The following FOXP2 variants were observed in gnomAD, a reference collection of about 807,000 sequenced individuals.
FOXP2 encodes forkhead box P2, also known as forkhead box protein P2.
FOXP2 carries 12 observed loss-of-function variants against 115.8 expected under a neutral mutation model. The ratio of observed to expected loss-of-function variants is 0.10; its 90% CI spans 0.07 to 0.17. The LOEUF is 0.17. FOXP2 is among the 10% of genes least tolerant of loss of function. The pLI is 1.00. For missense variants in FOXP2, 629 were observed against 843.5 expected (o/e 0.75, Z 3.15); for synonymous variants, 328 against 297.7 (o/e 1.10, Z -1.05).
intron 2 of FOXP2, among the ~76,000 whole-genome samples, chr7:114,451,737 C>T (rs942415989): frequency 1.3e-5 from 2 of 151,906 alleles, no homozygotes; most frequent in African/African-American, 2.4e-5. Context: ...TAAGTAATTA[C>T]AAGTTGTAAT....
rs559046675 is a variant in FOXP2 at position 114,100,996 on chromosome 7, T to C, written c.-247+13158T>C. Among the ~76,000 whole-genome samples the C allele has an allele frequency of 1.6e-4, 25 of 152,284 alleles. No homozygotes were observed. In the South Asian group the frequency reaches 5.0e-3, roughly 30 times the overall value. ...AGCAAATTAACCAGCCCATGTTTTGTTGATGCTCAGGAAACACAGGACTCC... is the reference window on the plus strand; with the variant it reads ...AGCAAATTAACCAGCCCATGTTTTGCTGATGCTCAGGAAACACAGGACTCC... On this transcript the variant is annotated intron_variant, in intron 1 of 19. Coordinates refer to the FOXP2 transcript ENST00000635638.
intron 1 of FOXP2, among the ~76,000 whole-genome samples, chr7:114,108,326 G>A (rs1159380331): frequency 2.6e-5 from 4 of 151,894 alleles, no homozygotes; most frequent in Non-Finnish European, 5.9e-5. Flanking sequence ...ACAAACTGTA[G>A]TGAAGTTCTG....
Position 114,212,075 on chromosome 7 carries a change from T to TAAATAAAATA in FOXP2, c.-102+49028_-102+49037dup, listed in dbSNP as rs10607299. Among the ~76,000 whole-genome samples the TAAATAAAATA allele has an allele frequency of 4.5e-3, 600 of 134,620 alleles. 4 individuals are homozygous for TAAATAAAATA. Among genetic ancestry groups the TAAATAAAATA allele is most frequent in the South Asian group, 0.018 (71 of 3,912 alleles). 88.3% of individuals were successfully genotyped at this position (134,620 alleles called of 152,430 possible). A position where few individuals can be genotyped will look rare whatever the true frequency, so the allele number is the denominator to read the frequency against. ...CTGGAGCGAAACTCAGTTTCAAAAA[T>TAAATAAAATA]AAATAAAATAAAATAAAATAAAATA... On this transcript the variant is annotated intron_variant, in intron 1 of 17. Transcript: ENST00000634411.
chr7:114,338,798 G>T (rs1454148468), intron 2 of FOXP2, among the ~76,000 whole-genome samples: 1 of 149,060 alleles, frequency 6.7e-6, no homozygotes, highest in African/African-American at 2.5e-5. Context: ...ATACATATTT[G>T]ATGAAAAGTT....
At chr7:114,449,219 A>G (rs970818596) in intron 2 of FOXP2, among the ~76,000 whole-genome samples, 4 of 152,068 alleles carry the variant, frequency 2.6e-5, no homozygotes, top group Admixed American at 6.6e-5. Flanking sequence ...ATATGTAAGT[A>G]AAGTTTCTTT....
chr7:114,327,041 A>G (rs1214381437), intron 2 of FOXP2, among the ~76,000 whole-genome samples: 1 of 152,184 alleles, frequency 6.6e-6, no homozygotes, highest in Non-Finnish European at 1.5e-5. Context: ...CAGAGCATAG[A>G]AATTCACTTC....
chr7:114,666,384 CATA>C (rs1418995926), intron 16 of FOXP2: 1 of 151,828 alleles, frequency 6.6e-6, no homozygotes, highest in African/African-American at 2.4e-5. Context: ...TAGGTTTTTG[CATA>C]ATAGATGTCA....
intron 1 of FOXP2, among the ~76,000 whole-genome samples, chr7:114,184,975 T>C (rs575917091): frequency 1.3e-5 from 2 of 152,322 alleles, no homozygotes; most frequent in African/African-American, 4.8e-5. Flanking sequence ...TTGACTGTCC[T>C]ATGTTACGTC....
At chr7:114,640,065 C>T (rs1206416286) in intron 6 of FOXP2, among the ~76,000 whole-genome samples, 1 of 152,078 alleles carries the variant, frequency 6.6e-6, no homozygotes, top group African/African-American at 2.4e-5. Context: ...GTTGACAATA[C>T]AGCAGAGAGG....
intron 1 of FOXP2, among the ~76,000 whole-genome samples, chr7:114,209,315 CTCT>C (rs1280706936): frequency 3.3e-5 from 5 of 152,176 alleles, no homozygotes; most frequent in Non-Finnish European, 7.3e-5. Context: ...TCAATTAAAC[CTCT>C]TCTTTATAAA....
At chr7:114,481,074 C>G (rs1796515384) in intron 2 of FOXP2, among the ~76,000 whole-genome samples, 1 of 151,112 alleles carries the variant, frequency 6.6e-6, no homozygotes, top group South Asian at 2.1e-4. Flanking sequence ...ACCTTTTATT[C>G]CAAATCTAAT....
In FOXP2 at chr7:114,272,444, T is replaced by C. The variant is rs573730421; in HGVS notation, c.-101-15575T>C. Among the ~76,000 whole-genome samples, 442 of 151,988 alleles carry C rather than the reference T, an allele frequency of 2.9e-3. 2 individuals are homozygous for C. Among genetic ancestry groups the C allele is most frequent in the South Asian group, 0.019 (91 of 4,830 alleles). ...CACTTCTATCCTCTGAAAGAAATTG[T>C]AGAGTATTGGTATAATTTCTTCCTT... On this transcript the variant is annotated intron_variant, in intron 1 of 17. Transcript: ENST00000634411.
intron 6 of FOXP2, among the ~76,000 whole-genome samples, chr7:114,638,148 G>T (rs1366641209): frequency 6.6e-6 from 1 of 151,982 alleles, no homozygotes; most frequent in African/African-American, 2.4e-5. Context: ...GACTGGGAGG[G>T]GTATGGGATG....
At chr7:114,432,368 C>T (rs533811347) in intron 2 of FOXP2, among the ~76,000 whole-genome samples, 2 of 152,018 alleles carry the variant, frequency 1.3e-5, no homozygotes, top group South Asian at 4.1e-4. Flanking sequence ...ATTTAGAAAC[C>T]ATAATCATTG....
upstream of FOXP2, among the ~76,000 whole-genome samples, chr7:114,413,607 G>A (rs1793224932): frequency 2.0e-5 from 3 of 152,100 alleles, no homozygotes; most frequent in Non-Finnish European, 4.4e-5. Context: ...GTTCCTTTCA[G>A]GGGAGGTGGA....
In FOXP2 at chr7:114,693,093, G is replaced by T; in HGVS notation, c.*3167G>T. The T allele has an allele frequency of 2.2e-6, 1 of 453,844 alleles. No individual in the cohort carries two copies. Among genetic ancestry groups the T allele is most frequent in the Non-Finnish European group, 4.4e-6 (1 of 226,660 alleles). 28.1% of individuals were successfully genotyped at this position (453,844 alleles called of 1,614,324 possible). A position where few individuals can be genotyped will look rare whatever the true frequency, so the allele number is the denominator to read the frequency against. ...AGACACAATTGCTTAAACCTAGTGG[G>T]CTTAAGGCTTATATTCTATGTGGTT... On this transcript the variant is annotated 3_prime_UTR_variant, in exon 17 of 17. Transcript: ENST00000350908.
intron 1 of FOXP2, among the ~76,000 whole-genome samples, chr7:114,267,775 AT>A (rs1209469225): frequency 3.4e-5 from 5 of 145,170 alleles, no homozygotes; most frequent in Admixed American, 1.4e-4. Context: ...AAATAAATAA[AT>A]AAATAAAATA....
chr7:114,602,334 T>C (rs1369023021), intron 3 of FOXP2, among the ~76,000 whole-genome samples: 1 of 152,078 alleles, frequency 6.6e-6, no homozygotes, highest in Non-Finnish European at 1.5e-5. Flanking sequence ...TTATATTTAT[T>C]ACTACCTTTT....
intron 2 of FOXP2, among the ~76,000 whole-genome samples, chr7:114,293,141 A>G (rs1036789295): frequency 6.6e-6 from 1 of 152,110 alleles, no homozygotes; most frequent in South Asian, 2.1e-4. Context: ...TTTTTCCCCC[A>G]TATTTACCAG....
Sources: allele counts gnomAD v4.1 joint callset (sites outside exome capture counted in the v4.1 genomes callset), GRCh38; gene constraint gnomAD v4.1.1; transcripts MANE v1.5; gene names NCBI Gene and HGNC (gene_info 2026-07-23, HGNC 2026-07-21).